The following PRKG1 variants were observed in gnomAD, a reference collection of about 807,000 sequenced individuals.
PRKG1 encodes cGMP-dependent protein kinase 1.
PRKG1 carries 35 observed loss-of-function variants against 88.1 expected under a neutral mutation model. The ratio of observed to expected loss-of-function variants is 0.40; its 90% CI spans 0.30 to 0.53. The LOEUF (loss-of-function observed/expected upper bound fraction) is 0.53. Among genes scored for constraint, PRKG1 ranks in the 20% least tolerant of loss-of-function variants. The probability of loss-of-function intolerance (pLI) is 0.59; values close to 1 mark genes in which losing one functional copy is unlikely to be tolerated. For missense variants in PRKG1, 540 were observed against 839.8 expected (o/e 0.64, Z 4.41); for synonymous variants, 303 against 292.5 (o/e 1.04, Z -0.37).
In PRKG1 at chr10:51,593,422, C is replaced by A. The variant is rs1838362013; in HGVS notation, c.592+125586C>A. On this transcript the variant is annotated intron_variant, in intron 3 of 17. Coordinates refer to ENST00000373980, the MANE Select transcript of PRKG1 (RefSeq NM_006258.4). ...TTTACCAGTTCCAGCAACTGGTTTA[C>A]CTTAGCCTCCTGTCCATCATGGCCA... Among the ~76,000 whole-genome samples, 3 of 152,276 alleles carry A rather than the reference C, an allele frequency of 2.0e-5. 1 individual carries two copies. The South Asian group carries it at 6.2e-4, about 32-fold the overall frequency.
intron 2 of PRKG1, among the ~76,000 whole-genome samples, chr10:51,233,243 A>T (rs1313739316): frequency 2.6e-5 from 4 of 152,204 alleles, no homozygotes; most frequent in Admixed American, 6.5e-5. Flanking sequence ...TTGTATTCAC[A>T]TAATAACCAT....
intron 3 of PRKG1, among the ~76,000 whole-genome samples, chr10:51,670,754 AAATAAATAAAT>A (rs1443224678): frequency 9.5e-5 from 9 of 94,574 alleles, no homozygotes; most frequent in Non-Finnish European, 1.9e-4. Context: ...ATAAATAAAT[AAATAAATAAAT>A]AAATAAATAA....
chr10:51,494,275 A>G (rs547509187), intron 3 of PRKG1, among the ~76,000 whole-genome samples: 1 of 152,290 alleles, frequency 6.6e-6, no homozygotes, highest in African/African-American at 2.4e-5. Context: ...AGTGATTTCA[A>G]ATCCATTGTT....
chr10:51,932,515 A>T (rs773555883), intron 5 of PRKG1, among the ~76,000 whole-genome samples: 71 of 152,264 alleles, frequency 4.7e-4, no homozygotes, highest in Non-Finnish European at 6.0e-4. Context: ...TTGGATTGGG[A>T]TCTAGATCTG....
intron 5 of PRKG1, among the ~76,000 whole-genome samples, chr10:51,959,941 T>C (rs752993440): frequency 6.6e-6 from 1 of 152,144 alleles, no homozygotes; most frequent in South Asian, 2.1e-4. Flanking sequence ...CTATCACAGA[T>C]TGAAGATATC....
chr10:51,904,886 T>G (rs1589407610), intron 4 of PRKG1, among the ~76,000 whole-genome samples: 1 of 152,098 alleles, frequency 6.6e-6, no homozygotes, highest in Non-Finnish European at 1.5e-5. Flanking sequence ...GGATAAGAAC[T>G]CTCATGGAAA....
At chr10:51,107,974 C>A (rs924256607) in intron 1 of PRKG1, among the ~76,000 whole-genome samples, 4 of 151,896 alleles carry the variant, frequency 2.6e-5, no homozygotes, top group African/African-American at 9.7e-5. Flanking sequence ...CAACTTTATG[C>A]CAATACATTT....
chr10:52,068,075 T>C (rs1471973868), intron 7 of PRKG1, among the ~76,000 whole-genome samples: 1 of 138,752 alleles, frequency 7.2e-6, no homozygotes, highest in South Asian at 2.7e-4. Flanking sequence ...TGGTGGCGCG[T>C]GCCTGTAGTC....
chr10:51,307,636 C>A (rs1464554291), intron 2 of PRKG1, among the ~76,000 whole-genome samples: 1 of 151,992 alleles, frequency 6.6e-6, no homozygotes, highest in East Asian at 1.9e-4. Flanking sequence ...GAGGCTGTCC[C>A]GAGTAGAGGC....
intron 3 of PRKG1, among the ~76,000 whole-genome samples, chr10:51,565,379 T>G (rs1042405585): frequency 2.0e-5 from 3 of 152,050 alleles, no homozygotes; most frequent in African/African-American, 7.2e-5. Context: ...CCCTAGCCCC[T>G]GCTGCTGTTC....
At chr10:51,856,268 A>G (rs934787940) in intron 4 of PRKG1, among the ~76,000 whole-genome samples, 1 of 152,218 alleles carries the variant, frequency 6.6e-6, no homozygotes, top group Non-Finnish European at 1.5e-5. Flanking sequence ...ACATATTTAC[A>G]GGTTCCGGGA....
intron 2 of PRKG1, among the ~76,000 whole-genome samples, chr10:51,212,843 A>C (rs1371027500): frequency 6.6e-6 from 1 of 152,210 alleles, no homozygotes; most frequent in Non-Finnish European, 1.5e-5. Context: ...ATGTGAAGAA[A>C]TAGGAACACT....
rs552388662 is a variant in PRKG1, at chr10:52,046,310, C to T, written c.763-8174C>T. 2.0e-5 allele frequency among the ~76,000 whole-genome samples: 3 copies of T among 152,176 alleles called. No individual in the cohort carries two copies. The East Asian group carries it at 5.8e-4, about 29-fold the overall frequency. On this transcript the variant is annotated intron_variant, in intron 5 of 17. Coordinates refer to ENST00000373980, the MANE Select transcript of PRKG1 (RefSeq NM_006258.4). ...AGTACATGCACTCATCATCTGAGCA[C>T]CTTTACATTTGTGGAGGTATTTGTA...
chr10:51,764,814 G>T (rs1201293011), intron 3 of PRKG1, among the ~76,000 whole-genome samples: 2 of 152,186 alleles, frequency 1.3e-5, no homozygotes, highest in Non-Finnish European at 1.5e-5. Flanking sequence ...CTTTGGGGAG[G>T]TGATTAAATC....
intron 10 of PRKG1, among the ~76,000 whole-genome samples, chr10:52,270,135 A>G (rs1433817672): frequency 6.6e-6 from 1 of 152,152 alleles, no homozygotes. Flanking sequence ...AGAAATGAAT[A>G]CAGTCAGTAC....
chr10:52,004,747 A>C (rs1463009202), intron 5 of PRKG1, among the ~76,000 whole-genome samples: 1 of 152,154 alleles, frequency 6.6e-6, no homozygotes, highest in Non-Finnish European at 1.5e-5. Flanking sequence ...TTATTCATTC[A>C]GCATGTTCTA....
chr10:51,872,832 G>A (rs1841194237), intron 4 of PRKG1, among the ~76,000 whole-genome samples: 2 of 151,714 alleles, frequency 1.3e-5, no homozygotes, highest in South Asian at 2.1e-4. Flanking sequence ...ATTGAGTTTG[G>A]GATGGCTGAA....
chr10:51,084,447 C>T (rs1844197107), intron 1 of PRKG1, among the ~76,000 whole-genome samples: 1 of 152,110 alleles, frequency 6.6e-6, no homozygotes. Flanking sequence ...CCAAGATATA[C>T]TACTTTCACC....
At chr10:51,277,136 G>C (rs1840144748) in intron 2 of PRKG1, among the ~76,000 whole-genome samples, 1 of 152,152 alleles carries the variant, frequency 6.6e-6, no homozygotes, top group African/African-American at 2.4e-5. Flanking sequence ...ATTAATTTTT[G>C]TATAAGGTGT....
Sources: gnomAD v4.1 joint callset for allele counts (sites outside exome capture counted in the v4.1 genomes callset) on GRCh38, gnomAD v4.1.1 for gene constraint, MANE v1.5 for transcripts, NCBI Gene and HGNC (gene_info 2026-07-23, HGNC 2026-07-21) for gene names.